Variants in RBFOX2 observed in about 807,000 individuals in gnomAD.
RBFOX2 encodes RNA binding fox-1 homolog 2.
A neutral mutation model predicts 49.1 loss-of-function variants in RBFOX2; 10 were observed. The ratio of observed to expected loss-of-function variants is 0.20; its 90% confidence interval spans 0.13 to 0.35. RBFOX2 has a LOEUF of 0.35. Ranked by LOEUF, RBFOX2 falls within the 10% of genes least tolerant of loss-of-function variation. RBFOX2 has a pLI of 1.00. For missense variants in RBFOX2, 323 were observed against 486.9 expected, an observed-to-expected ratio of 0.66 and a Z score of 3.17; for synonymous variants, 183 against 187.4, an observed-to-expected ratio of 0.98 and a Z score of 0.19.
intron 4 of RBFOX2, among the ~76,000 whole-genome samples, chr22:35,775,429 G>A (rs1203450012): frequency 1.3e-5 from 2 of 152,186 alleles, no homozygotes. Context: ...GGGGCAGTGA[G>A]GACACAGCAT....
chr22:35,909,873 A>G (rs1272680082), intron 1 of RBFOX2, among the ~76,000 whole-genome samples: 1 of 152,208 alleles, frequency 6.6e-6, no homozygotes, highest in Non-Finnish European at 1.5e-5. Context: ...TCGGCCTCCC[A>G]AAGTGCTGGG....
At chr22:36,003,152 T>A (rs2146272651) in intron 1 of RBFOX2, among the ~76,000 whole-genome samples, 1 of 152,340 alleles carries the variant, frequency 6.6e-6, no homozygotes, top group South Asian at 2.1e-4. Context: ...AAGTTGGAAT[T>A]TTCCTTCACC....
Position 35,790,063 on chromosome 22 carries a change from G to C in RBFOX2, c.253-8317C>G, listed in dbSNP as rs561294165. 3.3e-5 allele frequency among the ~76,000 whole-genome samples: 5 copies of C among 152,244 alleles called. No homozygotes were observed. In the South Asian group the frequency reaches 1.0e-3, roughly 32 times the overall value. On this transcript the variant is annotated intron_variant, in intron 2 of 11. Coordinates refer to ENST00000405409, the Ensembl canonical transcript of RBFOX2. ...CTTCTAACTGATGTCACCAGTTTCTGAACTTTTGAAATTTTTGTGGTGTAA... is the reference window on the plus strand; with the variant it reads ...CTTCTAACTGATGTCACCAGTTTCTCAACTTTTGAAATTTTTGTGGTGTAA...
At chr22:35,968,057 A>T (rs1180409449) in intron 1 of RBFOX2, among the ~76,000 whole-genome samples, 1 of 152,198 alleles carries the variant, frequency 6.6e-6, no homozygotes, top group Admixed American at 6.5e-5. Context: ...GTGTTTTCCA[A>T]TTTTCTTGTC....
intron 1 of RBFOX2, among the ~76,000 whole-genome samples, chr22:35,829,982 T>A (rs898835216): frequency 6.6e-6 from 1 of 152,196 alleles, no homozygotes; most frequent in African/African-American, 2.4e-5. Flanking sequence ...CCTCAAATAG[T>A]TGTTTATTCC....
At chr22:35,798,161 G>C (rs1173154515) in intron 2 of RBFOX2, among the ~76,000 whole-genome samples, 3 of 152,054 alleles carry the variant, frequency 2.0e-5, no homozygotes, top group Non-Finnish European at 1.5e-5. Flanking sequence ...TTTTAGTAGA[G>C]GCAGGGTTTC....
At chr22:35,771,175 T>G (rs1165336649) in intron 4 of RBFOX2, among the ~76,000 whole-genome samples, 1 of 152,190 alleles carries the variant, frequency 6.6e-6, no homozygotes, top group Non-Finnish European at 1.5e-5. Flanking sequence ...CAGATGCGAT[T>G]AAGTTAATGA....
chr22:35,812,129 C>G (rs1480777176), intron 1 of RBFOX2, among the ~76,000 whole-genome samples: 4 of 151,918 alleles, frequency 2.6e-5, no homozygotes, highest in African/African-American at 4.8e-5. Flanking sequence ...AGCATGGTGC[C>G]AAATGCCTTT....
At chr22:35,944,251 G>T (rs2054020789) in intron 1 of RBFOX2, among the ~76,000 whole-genome samples, 3 of 152,164 alleles carry the variant, frequency 2.0e-5, no homozygotes, top group Non-Finnish European at 4.4e-5. Flanking sequence ...GGGGATGGAG[G>T]TGAGTGATAA....
At chr22:35,821,742 G>C (rs372038323) in intron 1 of RBFOX2, 1 of 517,490 alleles carries the variant, frequency 1.9e-6, no homozygotes, top group Non-Finnish European at 3.9e-6. Flanking sequence ...AGGGATTACT[G>C]ACTGCTCTGA....
chr22:35,997,291 C>T (rs2058231543), intron 1 of RBFOX2: 1 of 152,156 alleles, frequency 6.6e-6, no homozygotes, highest in Non-Finnish European at 1.5e-5. Flanking sequence ...AATTTACCAG[C>T]CAAACCATAC....
intron 1 of RBFOX2, among the ~76,000 whole-genome samples, chr22:35,857,708 C>T (rs2042668669): frequency 6.6e-6 from 1 of 152,040 alleles, no homozygotes; most frequent in African/African-American, 2.4e-5. Context: ...CAACCATGTA[C>T]TCCAAAAAAA....
intron 3 of RBFOX2, 38 bp from the exon 5 acceptor site, chr22:35,778,116 G>T: frequency 6.6e-7 from 1 of 1,514,738 alleles, no homozygotes; most frequent in East Asian, 2.3e-5. Flanking sequence ...CTTATGGTCA[G>T]GTTTTTATCC....
At chr22:35,895,327 T>C (rs2047712121) in intron 1 of RBFOX2, among the ~76,000 whole-genome samples, 1 of 152,162 alleles carries the variant, frequency 6.6e-6, no homozygotes, top group Non-Finnish European at 1.5e-5. Flanking sequence ...TCTTTAAACA[T>C]GAATGAAGCA....
chr22:35,803,496 C>T (rs1351016895), intron 2 of RBFOX2, among the ~76,000 whole-genome samples: 5 of 151,906 alleles, frequency 3.3e-5, no homozygotes, highest in Non-Finnish European at 7.4e-5. Context: ...GGTAACATAG[C>T]GAGACCCTGC....
At chr22:35,852,509 T>C (rs1238243104) in intron 1 of RBFOX2, among the ~76,000 whole-genome samples, 1 of 149,162 alleles carries the variant, frequency 6.7e-6, no homozygotes, top group Non-Finnish European at 1.5e-5. Context: ...AAAAAAAGAA[T>C]GTTTCTGCAA....
chr22:35,796,394 T>TA (rs1948786738), intron 2 of RBFOX2, among the ~76,000 whole-genome samples: 1 of 152,214 alleles, frequency 6.6e-6, no homozygotes, highest in Non-Finnish European at 1.5e-5. Context: ...GTAATAAATT[T>TA]ACTTAGAAGA....
chr22:35,888,005 T>C (rs2046800762), intron 1 of RBFOX2, among the ~76,000 whole-genome samples: 2 of 152,140 alleles, frequency 1.3e-5, no homozygotes, highest in African/African-American at 4.8e-5. Context: ...TCTACCTCCC[T>C]CCTAAGCCAG....
At chr22:35,795,207 A>T (rs929915967) in intron 2 of RBFOX2, among the ~76,000 whole-genome samples, 2 of 152,050 alleles carry the variant, frequency 1.3e-5, no homozygotes, top group Non-Finnish European at 2.9e-5. Flanking sequence ...GGATATATAT[A>T]TTTTATGTAG....
Sources: allele counts gnomAD v4.1 joint callset (sites outside exome capture counted in the v4.1 genomes callset), GRCh38; gene constraint gnomAD v4.1.1; transcripts MANE v1.5; gene names NCBI Gene and HGNC (gene_info 2026-07-23, HGNC 2026-07-21).